Variants in INPP4B observed in about 807,000 individuals in gnomAD.
INPP4B encodes inositol polyphosphate-4-phosphatase type II B.
In INPP4B, 55 loss-of-function variants were observed where a neutral mutation model predicts 122.5. The observed-to-expected ratio is 0.45, with a 90% CI of 0.36 to 0.56. The LOEUF (loss-of-function observed/expected upper bound fraction) is 0.56, where lower values mean the gene tolerates loss of function less well. INPP4B is among the 20% of genes least tolerant of loss of function. The pLI is 0.00. For missense variants in INPP4B, 1,000 were observed against 1,097.7 expected (o/e 0.91, Z 1.26); for synonymous variants, 403 against 388.7 (o/e 1.04, Z -0.43).
intron 12 of INPP4B, among the ~76,000 whole-genome samples, chr4:142,236,953 C>A (rs1428485115): frequency 6.6e-6 from 1 of 152,220 alleles, no homozygotes; most frequent in East Asian, 1.9e-4. Flanking sequence ...AGATTTAGAA[C>A]CTTAACAGTA....
chr4:142,353,615 C>G (rs1782650008), intron 7 of INPP4B, among the ~76,000 whole-genome samples: 1 of 152,004 alleles, frequency 6.6e-6, no homozygotes, highest in Non-Finnish European at 1.5e-5. Flanking sequence ...CATACAGATG[C>G]ATATACAACT....
intron 7 of INPP4B, among the ~76,000 whole-genome samples, chr4:142,336,714 G>A (rs548877307): frequency 6.6e-5 from 10 of 152,310 alleles, no homozygotes; most frequent in East Asian, 1.9e-4. Flanking sequence ...GCCCAGTCAC[G>A]GGCTGCAGCA....
At chr4:142,838,084 C>T (rs1016446106) in intron 1 of INPP4B, among the ~76,000 whole-genome samples, 9 of 150,760 alleles carry the variant, frequency 6.0e-5, no homozygotes, top group Non-Finnish European at 1.5e-5. Context: ...GAGCTTATCA[C>T]AGTAGCTGGC....
chr4:142,210,391 T>C (rs1170703856), intron 12 of INPP4B, among the ~76,000 whole-genome samples: 1 of 152,130 alleles, frequency 6.6e-6, no homozygotes, highest in African/African-American at 2.4e-5. Flanking sequence ...TTTCCAAAGA[T>C]TAGTATTCAT....
chr4:142,177,249 T>C (rs1287752754), intron 15 of INPP4B, among the ~76,000 whole-genome samples: 2 of 57,524 alleles, frequency 3.5e-5, no homozygotes, highest in East Asian at 5.4e-4. Flanking sequence ...AAGGATGAAA[T>C]AGTATGGTAT....
chr4:142,030,319 A>T, intron 25 of INPP4B: 1 of 1,530,466 alleles, frequency 6.5e-7, no homozygotes, highest in East Asian at 2.5e-5. Context: ...AATGAGGGGA[A>T]GTTGGGGGGG....
chr4:142,225,727 A>T lies in INPP4B; in HGVS notation c.836+12137T>A, dbSNP rs369023723. On this transcript the variant is annotated intron_variant, in intron 12 of 25. Coordinates refer to ENST00000262992, the MANE Select transcript of INPP4B (RefSeq NM_001101669.3). ...GAATGAAAGGGGGCAGGAGAAAAAG[A>T]GAAAAAAAATATGACATAGATCAAA... 3.9e-4 allele frequency among the ~76,000 whole-genome samples: 60 copies of T among 152,150 alleles called. No homozygotes were observed. The South Asian group carries it at 0.012, about 30-fold the overall frequency.
At chr4:142,593,914 G>T (rs1738102340) in intron 2 of INPP4B, among the ~76,000 whole-genome samples, 1 of 151,468 alleles carries the variant, frequency 6.6e-6, no homozygotes, top group South Asian at 2.1e-4. Context: ...ACTTTAAATG[G>T]TATTGAACTA....
chr4:142,055,959 G>A (rs1307454607), intron 25 of INPP4B, among the ~76,000 whole-genome samples: 1 of 151,828 alleles, frequency 6.6e-6, no homozygotes, highest in Non-Finnish European at 1.5e-5. Context: ...TTGTTTTCCT[G>A]CAACTAGATG....
At chr4:142,386,147 GC>G (rs1222708868) in intron 7 of INPP4B, among the ~76,000 whole-genome samples, 1 of 151,932 alleles carries the variant, frequency 6.6e-6, no homozygotes, top group Non-Finnish European at 1.5e-5. Flanking sequence ...GTCTTTCTGT[GC>G]CTGCCTTATT....
intron 7 of INPP4B, among the ~76,000 whole-genome samples, chr4:142,341,995 C>T (rs1207084256): frequency 1.3e-5 from 2 of 152,178 alleles, no homozygotes; most frequent in Admixed American, 1.3e-4. Flanking sequence ...GGGCAGAGGA[C>T]TGTGCTAAGA....
At chr4:142,329,152 G>A (rs1773534533) in intron 7 of INPP4B, among the ~76,000 whole-genome samples, 2 of 152,226 alleles carry the variant, frequency 1.3e-5, no homozygotes, top group Admixed American at 6.5e-5. Flanking sequence ...AATGTGTAAA[G>A]AAAGTAAAAT....
chr4:142,541,493 C>A (rs1366949527), intron 2 of INPP4B, among the ~76,000 whole-genome samples: 3 of 148,390 alleles, frequency 2.0e-5, no homozygotes, highest in Admixed American at 6.8e-5. Flanking sequence ...AGAATCTGTC[C>A]AATTTGAGGC....
intron 25 of INPP4B, among the ~76,000 whole-genome samples, chr4:142,081,020 A>T (rs146395575): frequency 2.0e-5 from 3 of 152,308 alleles, no homozygotes; most frequent in Non-Finnish European, 4.4e-5. Context: ...ATAGAGCTCC[A>T]CGGAAGAATG....
intron 1 of INPP4B, among the ~76,000 whole-genome samples, chr4:142,816,204 T>A (rs1561102196): frequency 6.6e-6 from 1 of 152,160 alleles, no homozygotes; most frequent in South Asian, 2.1e-4. Flanking sequence ...TGAAGGGATG[T>A]ATTTCTATTC....
chr4:142,217,296 C>T (rs1393209537), intron 12 of INPP4B, among the ~76,000 whole-genome samples: 1 of 152,150 alleles, frequency 6.6e-6, no homozygotes, highest in Non-Finnish European at 1.5e-5. Context: ...GGCAAATGTG[C>T]TTTGAGTCTG....
chr4:142,204,156 A>G (rs1310665481), intron 14 of INPP4B, among the ~76,000 whole-genome samples: 6 of 152,128 alleles, frequency 3.9e-5, no homozygotes, highest in African/African-American at 1.2e-4. Flanking sequence ...CAAAATTTCA[A>G]TGGAGTTTTC....
intron 7 of INPP4B, among the ~76,000 whole-genome samples, chr4:142,327,822 T>C (rs1300970259): frequency 2.0e-5 from 3 of 152,154 alleles, no homozygotes; most frequent in Non-Finnish European, 4.4e-5. Flanking sequence ...TAAATAATAA[T>C]ACTCAAAGAG....
chr4:142,337,388 C>T (rs954973037), intron 7 of INPP4B, among the ~76,000 whole-genome samples: 7 of 151,796 alleles, frequency 4.6e-5, no homozygotes, highest in Admixed American at 3.9e-4. Context: ...GAATGCAAAA[C>T]TGTTTTTCAA....
Sources: allele counts gnomAD v4.1 joint callset (sites outside exome capture counted in the v4.1 genomes callset), GRCh38; gene constraint gnomAD v4.1.1; transcripts MANE v1.5; gene names NCBI Gene and HGNC (gene_info 2026-07-23, HGNC 2026-07-21).